The following FLRT1 variants were observed in gnomAD, a reference collection of about 807,000 sequenced individuals.
FLRT1 encodes the protein fibronectin leucine rich transmembrane protein 1.
Under a neutral mutation model 30.9 loss-of-function variants are expected in FLRT1, and 14 were observed. The ratio of observed to expected loss-of-function variants is 0.45; its 90% CI spans 0.30 to 0.71. The LOEUF is 0.71. Among genes scored for constraint, FLRT1 ranks in the 30% least tolerant of loss-of-function variants. The pLI is 0.08. For synonymous variants in FLRT1, 368 were observed against 430.4 expected, an observed-to-expected ratio of 0.85 and a Z score of 1.80; for missense variants, 737 against 949.2, an observed-to-expected ratio of 0.78 and a Z score of 2.94.
intron 1 of FLRT1, among the ~76,000 whole-genome samples, chr11:64,042,370 A>G (rs531658): frequency 0.11 from 15,976 of 152,050 alleles, 2,735 homozygotes; most frequent in African/African-American, 0.36. Flanking sequence ...GCCCCCAGAC[A>G]GTGGCCATCT....
At chr11:64,042,945 G>A (rs1023596565) in intron 1 of FLRT1, among the ~76,000 whole-genome samples, 6 of 152,226 alleles carry the variant, frequency 3.9e-5, no homozygotes, top group Admixed American at 3.3e-4. Flanking sequence ...CTGAGGCACA[G>A]AGTGGAGACA....
At chr11:64,058,903 G>T (rs1040273115) in intron 1 of FLRT1, among the ~76,000 whole-genome samples, 1 of 152,178 alleles carries the variant, frequency 6.6e-6, no homozygotes, top group Non-Finnish European at 1.5e-5. Flanking sequence ...CCACACCCAG[G>T]CACAGCTGGA....
intron 1 of FLRT1, among the ~76,000 whole-genome samples, chr11:64,045,812 C>T (rs997887369): frequency 3.9e-5 from 6 of 152,152 alleles, no homozygotes; most frequent in Non-Finnish European, 8.8e-5. Flanking sequence ...AACAGGTGGG[C>T]ATGCTGGCTC....
Position 64,096,440 on chromosome 11 carries a change from TCTCGCTGTG to T in FLRT1, c.-1037-6751_-1037-6743del, listed in dbSNP as rs1478662750. ...CCTCTTTTTTTTTTTTGAGACTGAG[TCTCGCTGTG>T]CTGCCCAGGATGATGAAGTGCAGTG... On this transcript the variant is annotated intron_variant, in intron 1 of 2. Coordinates refer to ENST00000682287, the MANE Select transcript of FLRT1 (RefSeq NM_013280.5). The surrounding 1 kb of genome is among the most constrained non-coding windows in gnomAD (Gnocchi z 4.6). Among the ~76,000 whole-genome samples the T allele has an allele frequency of 6.6e-6, 1 of 150,784 alleles. No homozygotes were observed. Among genetic ancestry groups the T allele is most frequent in the African/African-American group, 2.4e-5 (1 of 40,930 alleles).
At position 64,109,884 on chromosome 11, in the gene FLRT1, C is replaced by G. The variant is rs116147123; in HGVS notation, c.-50+5703C>G. ...GCCTGTCCGGAAGGCACAGCAGGAG[C>G]AGGGGAGTAGAGAACGGGCCACTGG... On this transcript the variant is annotated intron_variant, in intron 2 of 2. Transcript: ENST00000682287. 8.1e-4 allele frequency among the ~76,000 whole-genome samples: 124 copies of G among 152,210 alleles called. 1 individual carries two copies. Among genetic ancestry groups the G allele is most frequent in the African/African-American group, 2.8e-3 (118 of 41,536 alleles).
chr11:64,043,954 CAGG>C (rs1216117490), intron 1 of FLRT1, among the ~76,000 whole-genome samples: 1 of 152,004 alleles, frequency 6.6e-6, no homozygotes, highest in Non-Finnish European at 1.5e-5. Context: ...GCTGGGACTA[CAGG>C]TGCCCGCCAC....
intron 1 of FLRT1, among the ~76,000 whole-genome samples, chr11:64,088,723 G>A (rs1377579557): frequency 1.3e-5 from 2 of 152,128 alleles, no homozygotes; most frequent in East Asian, 1.9e-4. Flanking sequence ...GGGGATAATC[G>A]TGTGTTTCCC....
chr11:64,087,749 C>T (rs1281881894), intron 1 of FLRT1, among the ~76,000 whole-genome samples: 2 of 152,254 alleles, frequency 1.3e-5, no homozygotes, highest in Non-Finnish European at 2.9e-5. Context: ...CCACCCAGTA[C>T]ACAGAGCACG....
At chr11:64,062,741 G>A (rs1943928320) in intron 1 of FLRT1, among the ~76,000 whole-genome samples, 1 of 152,192 alleles carries the variant, frequency 6.6e-6, no homozygotes, top group African/African-American at 2.4e-5. Flanking sequence ...CCCAGGCTGA[G>A]GCCCCAGATG....
At chr11:64,042,304 G>A (rs961493864) in intron 1 of FLRT1, among the ~76,000 whole-genome samples, 7 of 152,158 alleles carry the variant, frequency 4.6e-5, no homozygotes, top group African/African-American at 1.4e-4. Flanking sequence ...AAGCTGCCAC[G>A]AGGAAGGGGC....
chr11:64,056,675 C>T (rs1054346195), intron 1 of FLRT1, among the ~76,000 whole-genome samples: 48 of 152,154 alleles, frequency 3.2e-4, no homozygotes, highest in Non-Finnish European at 4.4e-4. Flanking sequence ...AGGCACCACC[C>T]GGGGCTGTGC....
At chr11:64,091,135 G>T (rs969494304) in intron 1 of FLRT1, among the ~76,000 whole-genome samples, 1 of 140,758 alleles carries the variant, frequency 7.1e-6, no homozygotes, top group African/African-American at 2.6e-5. Flanking sequence ...GTGGGGAGGG[G>T]GCATGGGAGG....
At chr11:64,042,538 G>A (rs2043162485) in intron 1 of FLRT1, among the ~76,000 whole-genome samples, 1 of 152,180 alleles carries the variant, frequency 6.6e-6, no homozygotes, top group Non-Finnish European at 1.5e-5. Context: ...CAGCAGTCAG[G>A]TAGGCTCTGG....
chr11:64,055,274 C>T (rs184622575), intron 1 of FLRT1, among the ~76,000 whole-genome samples: 40 of 152,316 alleles, frequency 2.6e-4, no homozygotes, highest in African/African-American at 9.4e-4. Context: ...GAGCGGGACA[C>T]CATGCAGTGG....
intron 1 of FLRT1, among the ~76,000 whole-genome samples, chr11:64,048,547 G>C (rs1266478905): frequency 1.3e-5 from 2 of 152,196 alleles, no homozygotes. Context: ...GGCTTGGAGA[G>C]GTGCAGAAGT....
At chr11:64,115,563 T>C (rs145908834) in intron 2 of FLRT1, among the ~76,000 whole-genome samples, 2,117 of 152,296 alleles carry the variant, frequency 0.014, 32 homozygotes, top group South Asian at 0.09. Flanking sequence ...AATGTACGAG[T>C]GACAACAGGA....
intron 1 of FLRT1, among the ~76,000 whole-genome samples, chr11:64,068,304 C>T (rs545858272): frequency 1.5e-4 from 23 of 152,336 alleles, no homozygotes; most frequent in African/African-American, 3.4e-4. Flanking sequence ...ACCCAGCACC[C>T]GCCTGTCCCA....
intron 2 of FLRT1, among the ~76,000 whole-genome samples, chr11:64,113,874 G>A (rs867267666): frequency 4.7e-5 from 2 of 42,616 alleles, no homozygotes; most frequent in Non-Finnish European, 1.2e-4. Flanking sequence ...ATTGATACAT[G>A]GATGGATGGA....
chr11:64,094,159 G>A (rs769628044), intron 1 of FLRT1, among the ~76,000 whole-genome samples: 10 of 152,240 alleles, frequency 6.6e-5, no homozygotes, highest in Non-Finnish European at 8.8e-5. Flanking sequence ...TAGGCTGGGC[G>A]TGGTGGCTCA....
Sources: allele counts gnomAD v4.1 joint callset (sites outside exome capture counted in the v4.1 genomes callset), GRCh38; gene constraint gnomAD v4.1.1; non-coding constraint Gnocchi (gnomAD v3.1); transcripts MANE v1.5; gene names NCBI Gene and HGNC (gene_info 2026-07-23, HGNC 2026-07-21).